NAALADL2: variants seen among roughly 807,000 people sequenced by gnomAD.
The protein encoded by NAALADL2 is N-acetylated alpha-linked acidic dipeptidase like 2, also known as inactive N-acetylated-alpha-linked acidic dipeptidase-like protein 2.
In NAALADL2, 76 loss-of-function variants were observed where a neutral mutation model predicts 87.2. The ratio of observed to expected loss-of-function variants is 0.87; its 90% CI spans 0.72 to 1.05. The LOEUF (loss-of-function observed/expected upper bound fraction) is 1.05, where lower values mean the gene tolerates loss of function less well. Among genes scored for constraint, NAALADL2 ranks in the 50% least tolerant of loss-of-function variants. The pLI, the probability that NAALADL2 is intolerant of heterozygous loss-of-function variation, is 0.00. For synonymous variants in NAALADL2, 354 were observed against 331.0 expected (o/e 1.07, Z -0.75); for missense variants, 1,089 against 945.8 (o/e 1.15, Z -1.99).
intron 11 of NAALADL2, among the ~76,000 whole-genome samples, chr3:175,687,724 TTG>T (rs1736493427): frequency 6.6e-6 from 1 of 152,154 alleles, no homozygotes; most frequent in Admixed American, 6.5e-5. Flanking sequence ...GGTGTTTAGA[TTG>T]TGGGAGTGGA....
intron 1 of NAALADL2, among the ~76,000 whole-genome samples, chr3:174,879,381 A>G (rs180934990): frequency 3.3e-5 from 5 of 152,194 alleles, no homozygotes; most frequent in Admixed American, 2.6e-4. Context: ...TTAAAAGCAG[A>G]AAGAATTAGG....
intron 2 of NAALADL2, chr3:175,218,163 G>A (rs1441716398): frequency 3.0e-5 from 13 of 427,052 alleles, no homozygotes; most frequent in Non-Finnish European, 6.1e-5. Flanking sequence ...TCTCTAAGAA[G>A]CACAATAATC....
intron 1 of NAALADL2, among the ~76,000 whole-genome samples, chr3:175,072,441 C>A (rs889745707): frequency 5.9e-5 from 9 of 151,728 alleles, no homozygotes; most frequent in Non-Finnish European, 1.3e-4. Context: ...TGAGGACATG[C>A]AAAATTATCT....
At chr3:174,508,348 T>C (rs1719361018) in intron 1 of NAALADL2, among the ~76,000 whole-genome samples, 1 of 151,962 alleles carries the variant, frequency 6.6e-6, no homozygotes, top group Admixed American at 6.6e-5. Flanking sequence ...CTCCTGACCT[T>C]GTGATCCGCC....
At chr3:175,117,920 G>A (rs543386952) in intron 2 of NAALADL2, among the ~76,000 whole-genome samples, 160 of 152,164 alleles carry the variant, frequency 1.1e-3, no homozygotes, top group Middle Eastern at 3.4e-3. Flanking sequence ...ACACACCATG[G>A]AATACTATGC....
intron 10 of NAALADL2, among the ~76,000 whole-genome samples, chr3:175,624,905 A>G (rs959116261): frequency 1.3e-5 from 2 of 152,076 alleles, no homozygotes; most frequent in Non-Finnish European, 2.9e-5. Context: ...GCACAGACAC[A>G]TGTATGTACA....
chr3:175,479,286 A>G (rs1359897281), intron 9 of NAALADL2, among the ~76,000 whole-genome samples: 2 of 151,884 alleles, frequency 1.3e-5, no homozygotes, highest in Admixed American at 6.6e-5. Flanking sequence ...AATGTTAAAT[A>G]AATAGTTAAA....
intron 3 of NAALADL2, among the ~76,000 whole-genome samples, chr3:174,745,966 C>A (rs1734212423): frequency 6.6e-6 from 1 of 152,092 alleles, no homozygotes; most frequent in South Asian, 2.1e-4. Flanking sequence ...AACCCACAAC[C>A]AATATCATTC....
intron 1 of NAALADL2, among the ~76,000 whole-genome samples, chr3:174,937,097 C>G (rs9827660): frequency 0.35 from 53,514 of 151,848 alleles, 10,773 homozygotes; most frequent in African/African-American, 0.53. Flanking sequence ...TTATCATTAA[C>G]TCTAATAGTG....
intron 2 of NAALADL2, among the ~76,000 whole-genome samples, chr3:174,598,069 G>T (rs1164738991): frequency 6.6e-6 from 1 of 151,958 alleles, no homozygotes; most frequent in African/African-American, 2.4e-5. Flanking sequence ...TTGCCAGTTA[G>T]CTTTCAATAA....
At chr3:174,923,022 T>C (rs1284622561) in intron 1 of NAALADL2, among the ~76,000 whole-genome samples, 4 of 152,116 alleles carry the variant, frequency 2.6e-5, no homozygotes, top group African/African-American at 9.7e-5. Flanking sequence ...AACCTGAAGT[T>C]GGAGTTTCTA....
chr3:175,027,157 T>C (rs1032037460), intron 1 of NAALADL2, among the ~76,000 whole-genome samples: 2 of 152,076 alleles, frequency 1.3e-5, no homozygotes, highest in Admixed American at 6.6e-5. Flanking sequence ...CATACACCAC[T>C]CCTCTAAGAA....
intron 11 of NAALADL2, among the ~76,000 whole-genome samples, chr3:175,653,919 A>G (rs1387636807): frequency 2.0e-5 from 3 of 152,232 alleles, no homozygotes; most frequent in Non-Finnish European, 2.9e-5. Context: ...GTGACCAGAC[A>G]CATTGTACAA....
chr3:174,535,057 A>G (rs1377840617), intron 1 of NAALADL2, among the ~76,000 whole-genome samples: 1 of 152,200 alleles, frequency 6.6e-6, no homozygotes, highest in African/African-American at 2.4e-5. Flanking sequence ...TAAAAATAGA[A>G]TAAAGAGACA....
At chr3:175,668,307 A>G (rs1733486440) in intron 11 of NAALADL2, among the ~76,000 whole-genome samples, 1 of 152,150 alleles carries the variant, frequency 6.6e-6, no homozygotes, top group Non-Finnish European at 1.5e-5. Context: ...GTGGCATTTG[A>G]TAAGTTTTAT....
At chr3:175,314,384 C>T (rs994241142) in intron 4 of NAALADL2, among the ~76,000 whole-genome samples, 1 of 150,906 alleles carries the variant, frequency 6.6e-6, no homozygotes, top group African/African-American at 2.4e-5. Context: ...TTGGGCTAGT[C>T]TCCACCACAC....
chr3:174,959,292 T>C (rs1481303671), intron 1 of NAALADL2, among the ~76,000 whole-genome samples: 1 of 152,036 alleles, frequency 6.6e-6, no homozygotes, highest in African/African-American at 2.4e-5. Flanking sequence ...TGTCAGAGTA[T>C]AGGCAACCTG....
At chr3:175,246,413 C>T (rs975408045) in intron 3 of NAALADL2, among the ~76,000 whole-genome samples, 4 of 152,140 alleles carry the variant, frequency 2.6e-5, no homozygotes, top group African/African-American at 9.7e-5. Flanking sequence ...ACATTTTGTA[C>T]ATTCTGAGTC....
chr3:174,531,482 A>G (rs1476800185), intron 1 of NAALADL2, among the ~76,000 whole-genome samples: 2 of 152,162 alleles, frequency 1.3e-5, no homozygotes, highest in African/African-American at 4.8e-5. Context: ...TTTTAAAACT[A>G]AATTTGAATA....
Sources: allele counts gnomAD v4.1 joint callset (sites outside exome capture counted in the v4.1 genomes callset), GRCh38; gene constraint gnomAD v4.1.1; transcripts MANE v1.5; gene names NCBI Gene and HGNC (gene_info 2026-07-23, HGNC 2026-07-21).